LRRC4C: variants seen among roughly 807,000 people sequenced by gnomAD.
LRRC4C encodes the protein leucine-rich repeat-containing protein 4C.
A neutral mutation model predicts 33.6 loss-of-function variants in LRRC4C; 5 were observed. The observed-to-expected ratio is 0.15, with a 90% confidence interval of 0.08 to 0.31. The LOEUF (loss-of-function observed/expected upper bound fraction) is 0.31, where lower values mean the gene tolerates loss of function less well. Ranked by LOEUF, LRRC4C falls within the 10% of genes least tolerant of loss-of-function variation. The probability of loss-of-function intolerance (pLI) is 1.00; values close to 1 mark genes in which losing one functional copy is unlikely to be tolerated. For synonymous variants in LRRC4C, 329 were observed against 302.0 expected, an observed-to-expected ratio of 1.09 and a Z score of -0.93; for missense variants, 560 against 796.7, an observed-to-expected ratio of 0.70 and a Z score of 3.58.
intron 1 of LRRC4C, among the ~76,000 whole-genome samples, chr11:41,089,488 A>G (rs1053163583): frequency 6.6e-6 from 1 of 152,022 alleles, no homozygotes; most frequent in Admixed American, 6.6e-5. Flanking sequence ...TGAGGAATTG[A>G]CCATTAATCC....
At chr11:40,162,465 GAGA>G (rs1311883062) in intron 5 of LRRC4C, among the ~76,000 whole-genome samples, 1 of 152,074 alleles carries the variant, frequency 6.6e-6, no homozygotes, top group Non-Finnish European at 1.5e-5. Flanking sequence ...CCCAGGGTGA[GAGA>G]AGAAGAAAGC....
rs1390409141 is a variant in LRRC4C, at chr11:40,548,567, CT to C, written c.-270+99574del. On this transcript the variant is annotated intron_variant, in intron 3 of 6. Coordinates refer to ENST00000528697, the MANE Select transcript of LRRC4C (RefSeq NM_001258419.2). Reference sequence around the variant, plus strand: ...CAGAACTGCCAGACAAGAAATTTCTCTTATTTAAGCCAGCCAGTTTGTGATG... The same window carrying C: ...CAGAACTGCCAGACAAGAAATTTCTCTATTTAAGCCAGCCAGTTTGTGATG... Among the ~76,000 whole-genome samples the C allele has an allele frequency of 2.0e-5, 3 of 151,980 alleles. No homozygotes were observed. The South Asian group carries it at 6.2e-4, about 32-fold the overall frequency.
At chr11:40,265,518 C>T (rs968319498) in intron 4 of LRRC4C, among the ~76,000 whole-genome samples, 6 of 152,208 alleles carry the variant, frequency 3.9e-5, no homozygotes, top group Non-Finnish European at 7.3e-5. Flanking sequence ...AAATTAAACA[C>T]CACACTTCAA....
At chr11:40,851,668 T>C (rs1323606548) in intron 2 of LRRC4C, among the ~76,000 whole-genome samples, 1 of 152,148 alleles carries the variant, frequency 6.6e-6, no homozygotes, top group Non-Finnish European at 1.5e-5. Flanking sequence ...GTTTCCCAGC[T>C]ACTCAGGAGG....
chr11:41,138,080 A>G (rs1943343082), intron 1 of LRRC4C, among the ~76,000 whole-genome samples: 1 of 152,166 alleles, frequency 6.6e-6, no homozygotes, highest in African/African-American at 2.4e-5. Context: ...TCACTTATTC[A>G]TGTATTCATT....
At chr11:41,060,898 C>T (rs1243174079) in intron 1 of LRRC4C, among the ~76,000 whole-genome samples, 1 of 152,010 alleles carries the variant, frequency 6.6e-6, no homozygotes, top group Non-Finnish European at 1.5e-5. Context: ...CTACATCTTT[C>T]TCAAGTGTCT....
At chr11:40,489,514 C>T (rs1484812453) in intron 3 of LRRC4C, among the ~76,000 whole-genome samples, 1 of 152,022 alleles carries the variant, frequency 6.6e-6, no homozygotes, top group Admixed American at 6.6e-5. Flanking sequence ...GCCAGGTTGT[C>T]ATTATTTATA....
chr11:40,486,975 G>A (rs1373436077), intron 3 of LRRC4C, among the ~76,000 whole-genome samples: 5 of 151,924 alleles, frequency 3.3e-5, no homozygotes, highest in Non-Finnish European at 5.9e-5. Flanking sequence ...TGGAAATTAG[G>A]TCCACGGAAA....
At chr11:41,383,668 A>G (rs68041960) in intron 1 of LRRC4C, among the ~76,000 whole-genome samples, 38,540 of 151,822 alleles carry the variant, frequency 0.25, 5,672 homozygotes, top group East Asian at 0.43. Context: ...GAAAAAGAAG[A>G]AAAAGAAAAA....
chr11:40,696,199 G>C (rs1945501344), intron 2 of LRRC4C, among the ~76,000 whole-genome samples: 1 of 146,718 alleles, frequency 6.8e-6, no homozygotes, highest in African/African-American at 2.5e-5. Context: ...ACAGGCACAT[G>C]AAGTATTATA....
intron 1 of LRRC4C, among the ~76,000 whole-genome samples, chr11:41,149,204 G>A (rs1299728454): frequency 2.0e-5 from 3 of 152,146 alleles, no homozygotes; most frequent in Non-Finnish European, 4.4e-5. Flanking sequence ...GTAGAGAAGG[G>A]AATTAAAATG....
intron 3 of LRRC4C, among the ~76,000 whole-genome samples, chr11:40,506,560 A>G (rs1168245521): frequency 6.6e-6 from 1 of 152,192 alleles, no homozygotes; most frequent in East Asian, 1.9e-4. Context: ...GAACATGGCC[A>G]AAGGAAATAT....
intron 1 of LRRC4C, among the ~76,000 whole-genome samples, chr11:41,121,293 G>T (rs1942417263): frequency 6.6e-6 from 1 of 152,060 alleles, no homozygotes; most frequent in Non-Finnish European, 1.5e-5. Context: ...TTACAGTTCA[G>T]CAAAGCTATA....
intron 3 of LRRC4C, among the ~76,000 whole-genome samples, chr11:40,574,949 GT>G (rs1720527915): frequency 6.6e-6 from 1 of 152,116 alleles, no homozygotes; most frequent in Non-Finnish European, 1.5e-5. Flanking sequence ...CCAGAGTGTT[GT>G]CTAAAAGGGC....
At chr11:40,270,249 A>G (rs563112676) in intron 4 of LRRC4C, among the ~76,000 whole-genome samples, 1 of 152,146 alleles carries the variant, frequency 6.6e-6, no homozygotes, top group Non-Finnish European at 1.5e-5. Flanking sequence ...TAAACAATAG[A>G]AATTCATTTT....
At chr11:41,443,089 A>ATTTTTTTTTTTTTTTTTTTTTTCTT in intron 1 of LRRC4C, among the ~76,000 whole-genome samples, 14 of 105,956 alleles carry the variant, frequency 1.3e-4, no homozygotes, top group Non-Finnish European at 1.8e-4. Context: ...TGTTTGCTTC[A>ATTTTTTTTTTTTTTTTTTTTTTCTT]TTTTTTTTTT....
At chr11:41,056,970 A>G (rs1771009985) in intron 1 of LRRC4C, among the ~76,000 whole-genome samples, 1 of 152,132 alleles carries the variant, frequency 6.6e-6, no homozygotes, top group Admixed American at 6.5e-5. Context: ...ACCAGGTGCC[A>G]CTGCAGCCAC....
intron 3 of LRRC4C, among the ~76,000 whole-genome samples, chr11:40,633,779 T>C (rs1160521556): frequency 1.3e-5 from 2 of 152,190 alleles, no homozygotes; most frequent in East Asian, 3.9e-4. Context: ...TACATTATTT[T>C]AGGGAAATGG....
intron 3 of LRRC4C, among the ~76,000 whole-genome samples, chr11:40,633,379 CTT>C (rs1491426586): frequency 4.8e-4 from 31 of 63,980 alleles, no homozygotes; most frequent in African/African-American, 1.6e-3. Flanking sequence ...CTTTCTCTCT[CTT>C]TCTTTCTTTC....
Sources: gnomAD v4.1 joint callset for allele counts (sites outside exome capture counted in the v4.1 genomes callset) on GRCh38, gnomAD v4.1.1 for gene constraint, MANE v1.5 for transcripts, NCBI Gene and HGNC (gene_info 2026-07-23, HGNC 2026-07-21) for gene names.